The following BRD3 variants were observed in gnomAD, a reference collection of about 807,000 sequenced individuals.
BRD3 encodes the protein bromodomain containing 3.
A neutral mutation model predicts 66.8 loss-of-function variants in BRD3; 17 were observed. The observed-to-expected ratio is 0.25, with a 90% CI of 0.17 to 0.38. BRD3 has a LOEUF of 0.38. Ranked by LOEUF, BRD3 falls within the 10% of genes least tolerant of loss-of-function variation. The pLI is 1.00. For synonymous variants in BRD3, 421 were observed against 393.2 expected (o/e 1.07, Z -0.84); for missense variants, 713 against 956.1 (o/e 0.75, Z 3.35).
At chr9:134,054,667 C>T (rs536336983) in intron 1 of BRD3, among the ~76,000 whole-genome samples, 1 of 152,314 alleles carries the variant, frequency 6.6e-6, no homozygotes, top group South Asian at 2.1e-4. Flanking sequence ...GAGCCGGCTC[C>T]GGCCCCAGAA....
intron 10 of BRD3, 61 bp from the exon 11 acceptor site, chr9:134,034,890 C>G: frequency 6.2e-7 from 1 of 1,600,490 alleles, no homozygotes; most frequent in Non-Finnish European, 8.5e-7. Flanking sequence ...GGAGCCAGGG[C>G]TGCATCCAGG....
Position 134,034,722 on chromosome 9 carries a change from T to A in BRD3, c.2044A>T (p.Ser682Cys). Residue 682 changes from serine to cysteine, a missense_variant, in exon 11 of 12, where the codon AGC becomes TGC. Coordinates refer to ENST00000303407, the MANE Select transcript of BRD3 (RefSeq NM_007371.4). The part of the protein sequence containing the change: ...LQDVSGQLSS[S>C]KKPARKEKPG... ...GTACCTTTCCGGGCGGGCTTCTTGC[T>A]GCTGCTCAGCTGCCCGCTGACATCC... The A allele has an allele frequency of 6.2e-7, 1 of 1,607,076 alleles. No homozygotes were observed.
At position 134,052,291 on chromosome 9, in the gene BRD3, C is replaced by A. The variant is rs549861415; in HGVS notation, c.351+15G>T. ...TCCTTACTGCAAGCGGCGTGCCAGG[C>A]CCGCATCTTCTTACCTTGTTATAAA... On this transcript the variant is annotated intron_variant, in intron 3 of 11. Coordinates refer to ENST00000303407, the MANE Select transcript of BRD3 (RefSeq NM_007371.4). The A allele has an allele frequency of 2.2e-5, 36 of 1,610,950 alleles. No individual in the cohort carries two copies. In the South Asian group the frequency reaches 3.8e-4, roughly 17 times the overall value.
At chr9:134,047,913 G>A in intron 6 of BRD3, 170 bp downstream of exon 6, 1 of 927,224 alleles carries the variant, frequency 1.1e-6, no homozygotes, top group Non-Finnish European at 1.5e-6. Context: ...CTTCCTCGCT[G>A]AGCCTTGCCA....
chr9:134,040,255 G>T lies in BRD3; in HGVS notation c.1422C>A (p.His474Gln). ...CCTGAGACAGGGCGGCCAGCTGCTCGTGCACGGCCTTCAGCTGGAAAAGAG... is the reference window on the plus strand; with the variant it reads ...CCTGAGACAGGGCGGCCAGCTGCTCTTGCACGGCCTTCAGCTGGAAAAGAG... ...AELQEQLKAV[H>Q]EQLAALSQAP... The change falls in exon 9 of 12, where the codon CAC (histidine) becomes CAA (glutamine). Residue 474 changes from histidine (H) to glutamine (Q), a missense_variant. Coordinates refer to ENST00000303407, the MANE Select transcript of BRD3 (RefSeq NM_007371.4). 1 of 1,595,228 alleles carries T rather than the reference G, an allele frequency of 6.3e-7. No homozygotes were observed.
intron 4 of BRD3, among the ~76,000 whole-genome samples, chr9:134,051,337 G>A (rs1030360484): frequency 6.6e-6 from 1 of 152,224 alleles, no homozygotes; most frequent in Admixed American, 6.5e-5. Context: ...CCTCCCCAGC[G>A]TGGGCTCAAA....
At chr9:134,043,859 T>C (rs1292036087) in intron 7 of BRD3, among the ~76,000 whole-genome samples, 2 of 152,106 alleles carry the variant, frequency 1.3e-5, no homozygotes. Context: ...CCTGACTCGT[T>C]TTTAAAATCT....
Position 134,052,202 on chromosome 9 carries a change from G to C in BRD3, c.351+104C>G, listed in dbSNP as rs1363400518. The stretch of plus-strand genomic sequence containing the variant: ...GCCACGGCACCCAGCCAGGTGAAGC[G>C]CTTTGGGCCTGCCCAAGAGCTGCTG... On this transcript the variant is annotated intron_variant, in intron 3 of 11. Transcript: ENST00000303407. The C allele has an allele frequency of 2.1e-6, 3 of 1,446,040 alleles. No homozygotes were observed. In the East Asian group the frequency reaches 7.0e-5, roughly 34 times the overall value. The allele number at this position is 1,446,040 out of a possible 1,614,324, so 89.6% of individuals were successfully genotyped here. A position where few individuals can be genotyped will look rare whatever the true frequency, so the allele number is the denominator to read the frequency against.
intron 6 of BRD3, 64 bp downstream of exon 6, chr9:134,048,019 C>T: frequency 6.8e-7 from 1 of 1,476,688 alleles, no homozygotes; most frequent in Non-Finnish European, 9.0e-7. Flanking sequence ...CGGCACAAGA[C>T]ATCAGCACCC....
intron 11 of BRD3, chr9:134,034,415 A>G: frequency 2.6e-6 from 1 of 391,190 alleles, no homozygotes; most frequent in Non-Finnish European, 4.7e-6. Context: ...TGCCCAGTCC[A>G]GCCCCACAAG....
intron 1 of BRD3, chr9:134,053,877 T>G: frequency 4.4e-6 from 1 of 226,712 alleles, no homozygotes; most frequent in Non-Finnish European, 8.8e-6. Flanking sequence ...AGGTGGGGGC[T>G]TGGGGAACAC....
At chr9:134,050,704 C>G (rs981817331) in intron 4 of BRD3, 116 bp from the exon 5 acceptor site, 4 of 812,252 alleles carry the variant, frequency 4.9e-6, no homozygotes, top group Non-Finnish European at 7.7e-6. Flanking sequence ...CCAAGACCGC[C>G]GGCCAGAAGA....
At chr9:134,066,596 G>GT (rs2132464805) in intron 1 of BRD3, among the ~76,000 whole-genome samples, 1 of 151,918 alleles carries the variant, frequency 6.6e-6, no homozygotes, top group Admixed American at 6.6e-5. Flanking sequence ...AAAGAAAAGA[G>GT]TAAGGGGAAA....
At position 134,036,313 on chromosome 9, in the gene BRD3, T is replaced by C; in HGVS notation, c.1655A>G (p.Lys552Arg). The change falls in exon 10 of 12, where the codon AAA becomes AGA. Residue 552 changes from lysine to arginine, a missense_variant. Physicochemically the swap from Lys to Arg is conservative, Grantham distance 26 (BLOSUM62 2). This residue lies in a region of BRD3 where 418 missense variants were observed against 609.3 expected (regional missense o/e 0.69). Coordinates refer to ENST00000303407, the MANE Select transcript of BRD3 (RefSeq NM_007371.4). ...STTTAGRQLKKGGKQASASYD... is the reference protein window; with the variant it reads ...STTTAGRQLKRGGKQASASYD... ...GGAGGCAGATGCCTGCTTGCCGCCT[T>C]TCTTCAGCTGTCTGGGGCAGGAGAC... 1 of 1,603,620 alleles carries C rather than the reference T, an allele frequency of 6.2e-7. No homozygotes were observed. Among genetic ancestry groups the C allele is most frequent in the Non-Finnish European group, 8.5e-7 (1 of 1,174,392 alleles).
intron 1 of BRD3, among the ~76,000 whole-genome samples, chr9:134,059,833 A>G (rs948530031): frequency 2.6e-5 from 4 of 152,218 alleles, no homozygotes; most frequent in African/African-American, 9.6e-5. Context: ...TCAGGAAGGC[A>G]GCCTGGCCAT....
Position 134,067,321 on chromosome 9 carries a change from C to T in BRD3, c.-114+624G>A, listed in dbSNP as rs1474910091. ...TGGGCCCGTAACTCTGGGAGGAGGC[C>T]GCGCAGAGCCCAGGGCCGAGCCCGG... On this transcript the variant is annotated intron_variant, in intron 1 of 11. Transcript: ENST00000303407. Among the ~76,000 whole-genome samples the T allele has an allele frequency of 9.2e-5, 14 of 151,840 alleles. No individual in the cohort carries two copies. In the East Asian group the frequency reaches 2.7e-3, roughly 29 times the overall value.
At chr9:134,034,220 C>T (rs751095986) in intron 11 of BRD3, among the ~76,000 whole-genome samples, 2 of 152,228 alleles carry the variant, frequency 1.3e-5, no homozygotes, top group Non-Finnish European at 2.9e-5. Context: ...GAGATGTGTG[C>T]TCTAACAGGG....
At position 134,051,657 on chromosome 9, in the gene BRD3, T is replaced by G; in HGVS notation, c.404A>C (p.Gln135Pro). ...CTCTTGGGGCATCTGGGCCACTTTT[T>G]GTAGAAAAATTTTCTCTAAAGCTTG... ...MAQALEKIFLQKVAQMPQEEV... is the reference protein window; with the variant it reads ...MAQALEKIFLPKVAQMPQEEV... The change falls in exon 4 of 12, where the codon CAA (glutamine) becomes CCA (proline). Residue 135 changes from glutamine (Q) to proline (P), a missense_variant. Gln to Pro is a moderately conservative substitution (Grantham distance 76). Coordinates refer to ENST00000303407, the MANE Select transcript of BRD3 (RefSeq NM_007371.4). 6.3e-7 allele frequency: 1 copy of G among 1,589,716 alleles called. No individual in the cohort carries two copies. The highest frequency in any genetic ancestry group is 8.5e-7 in the Non-Finnish European group (1 of 1,171,894).
intron 1 of BRD3, 36 bp from the exon 2 acceptor site, chr9:134,053,626 G>C: frequency 7.0e-7 from 1 of 1,430,524 alleles, no homozygotes; most frequent in Non-Finnish European, 9.1e-7. Flanking sequence ...AGGAAGGCCA[G>C]TCACCCCGGG....
Sources: gnomAD v4.1 joint callset for allele counts (sites outside exome capture counted in the v4.1 genomes callset) on GRCh38, gnomAD v4.1.1 for gene constraint, gnomAD v4.1.1 regional missense constraint, MANE v1.5 for transcripts, NCBI Gene and HGNC (gene_info 2026-07-23, HGNC 2026-07-21) for gene names.